The following NELL1 variants were observed in gnomAD, a reference collection of about 807,000 sequenced individuals.
NELL1 encodes the protein neural EGFL like 1.
Under a neutral mutation model 107.4 loss-of-function variants are expected in NELL1, and 76 were observed. That is an observed-to-expected ratio of 0.71 (90% CI 0.59 to 0.86). NELL1 has a LOEUF of 0.86. NELL1 is among the 40% of genes least tolerant of loss of function. The pLI is 0.00. For missense variants in NELL1, 1,024 were observed against 1,005.5 expected, an observed-to-expected ratio of 1.02 and a Z score of -0.25; for synonymous variants, 353 against 341.2, an observed-to-expected ratio of 1.03 and a Z score of -0.38.
At chr11:21,322,968 A>G (rs1380098877) in intron 14 of NELL1, among the ~76,000 whole-genome samples, 1 of 151,934 alleles carries the variant, frequency 6.6e-6, no homozygotes, top group African/African-American at 2.4e-5. Context: ...TAGAAGCACA[A>G]GCCATTGTTG....
chr11:21,361,593 G>A (rs11026047), intron 14 of NELL1, among the ~76,000 whole-genome samples: 36,538 of 151,890 alleles, frequency 0.24, 4,338 homozygotes, highest in Middle Eastern at 0.3. Flanking sequence ...CAAACTTTCA[G>A]ATTTTTCTTC....
intron 2 of NELL1, among the ~76,000 whole-genome samples, chr11:20,715,134 A>T (rs1030732202): frequency 4.0e-5 from 6 of 151,852 alleles, no homozygotes; most frequent in Admixed American, 2.0e-4. Flanking sequence ...AGTCCCAGCT[A>T]CTCGGGACCC....
At chr11:20,716,075 C>T (rs1385203070) in intron 2 of NELL1, among the ~76,000 whole-genome samples, 1 of 152,220 alleles carries the variant, frequency 6.6e-6, no homozygotes. Flanking sequence ...ATACAACTTT[C>T]TGTGAATGCA....
At chr11:21,537,728 A>G (rs1447878434) in intron 16 of NELL1, among the ~76,000 whole-genome samples, 1 of 152,156 alleles carries the variant, frequency 6.6e-6, no homozygotes, top group Admixed American at 6.5e-5. Context: ...AAGGCATTCA[A>G]TGCATGTATG....
intron 12 of NELL1, among the ~76,000 whole-genome samples, chr11:21,057,499 A>G (rs551081476): frequency 6.6e-6 from 1 of 152,148 alleles, no homozygotes; most frequent in East Asian, 1.9e-4. Flanking sequence ...AAATATATCA[A>G]TATATTTATC....
rs565924454 is a variant in NELL1 at position 21,091,897 on chromosome 11, G to A, written c.1301-21692G>A. Among the ~76,000 whole-genome samples the A allele has an allele frequency of 2.0e-5, 3 of 152,306 alleles. No individual in the cohort carries two copies. In the East Asian group the frequency reaches 5.8e-4, roughly 29 times the overall value. On this transcript the variant is annotated intron_variant, in intron 12 of 19. Transcript: ENST00000357134. ...CTCTCAGGGTAGGCCCTAAGTCAAG[G>A]ACGTGTACAAGGTACCATAGGGGGC... is the stretch of plus-strand genomic sequence containing the variant.
In NELL1 at chr11:20,988,623, C is replaced by T. The variant is rs181891411; in HGVS notation, c.1300+28063C>T. Among the ~76,000 whole-genome samples, 22 of 149,458 alleles carry T rather than the reference C, an allele frequency of 1.5e-4. No individual in the cohort carries two copies. In the East Asian group the frequency reaches 1.6e-3, roughly 11 times the overall value. ...TGTTCTTTTCTTTTTTTTTTTGAGA[C>T]GCTGTCACCCAGGCTGGAGTGCAGT... is the stretch of plus-strand genomic sequence containing the variant. On this transcript the variant is annotated intron_variant, in intron 12 of 19. Coordinates refer to ENST00000357134, the MANE Select transcript of NELL1 (RefSeq NM_006157.5).
intron 4 of NELL1, among the ~76,000 whole-genome samples, chr11:20,849,552 G>T (rs1018833101): frequency 1.3e-5 from 2 of 152,116 alleles, no homozygotes; most frequent in African/African-American, 4.8e-5. Flanking sequence ...TAGAGTCATT[G>T]CCATTTATAA....
intron 9 of NELL1, 36 bp downstream of exon 9, chr11:20,928,515 G>A (rs2134173515): frequency 1.3e-6 from 2 of 1,500,378 alleles, no homozygotes; most frequent in East Asian, 2.3e-5. Flanking sequence ...GGCTGTCTGT[G>A]TTTTGAGATT....
At chr11:21,351,720 T>C (rs1850819982) in intron 14 of NELL1, among the ~76,000 whole-genome samples, 1 of 152,066 alleles carries the variant, frequency 6.6e-6, no homozygotes, top group African/African-American at 2.4e-5. Flanking sequence ...GAGGGGACCA[T>C]AAATTTCTCT....
At chr11:21,503,867 A>T (rs1364870234) in intron 15 of NELL1, among the ~76,000 whole-genome samples, 2 of 150,644 alleles carry the variant, frequency 1.3e-5, no homozygotes, top group South Asian at 2.1e-4. Flanking sequence ...TTTTTTTTTT[A>T]AATACAGTAA....
chr11:20,832,264 C>T (rs1002922189), intron 3 of NELL1, among the ~76,000 whole-genome samples: 1 of 152,228 alleles, frequency 6.6e-6, no homozygotes, highest in African/African-American at 2.4e-5. Context: ...TCACAATGCT[C>T]ATGTTTAGCC....
intron 13 of NELL1, among the ~76,000 whole-genome samples, chr11:21,121,840 G>T (rs960493007): frequency 6.6e-6 from 1 of 152,070 alleles, no homozygotes; most frequent in Non-Finnish European, 1.5e-5. Context: ...AAAATTCATC[G>T]AAAGTTTGTT....
intron 12 of NELL1, among the ~76,000 whole-genome samples, chr11:21,083,501 C>G (rs561507869): frequency 6.6e-6 from 1 of 152,162 alleles, no homozygotes; most frequent in Non-Finnish European, 1.5e-5. Context: ...CAGAACAATT[C>G]TTGTTGGCAG....
intron 12 of NELL1, among the ~76,000 whole-genome samples, chr11:21,065,706 T>C (rs905089595): frequency 3.9e-5 from 6 of 152,202 alleles, no homozygotes; most frequent in Non-Finnish European, 8.8e-5. Flanking sequence ...AATTCACTTT[T>C]AGTTACTATA....
chr11:21,172,461 T>C (rs1856627774), intron 13 of NELL1, among the ~76,000 whole-genome samples: 1 of 151,864 alleles, frequency 6.6e-6, no homozygotes, highest in South Asian at 2.1e-4. Flanking sequence ...TCCTTCTCCG[T>C]GATCATGCAG....
At chr11:21,570,573 T>C (rs1241240915) in intron 17 of NELL1, among the ~76,000 whole-genome samples, 191 bp from the exon 18 acceptor site, 1 of 151,846 alleles carries the variant, frequency 6.6e-6, no homozygotes, top group African/African-American at 2.4e-5. Context: ...CCTATTTTTA[T>C]TTTTTCTGCT....
chr11:20,976,814 A>C (rs934048986), intron 12 of NELL1, among the ~76,000 whole-genome samples: 1 of 152,124 alleles, frequency 6.6e-6, no homozygotes, highest in African/African-American at 2.4e-5. Context: ...ATTCCTAAAA[A>C]TCTCTGTATA....
At chr11:20,678,454 G>A (rs1854115779) in intron 2 of NELL1, among the ~76,000 whole-genome samples, 1 of 152,154 alleles carries the variant, frequency 6.6e-6, no homozygotes, top group Non-Finnish European at 1.5e-5. Flanking sequence ...TAAGAACAGA[G>A]GAAAACTTAT....
Sources: gnomAD v4.1 joint callset for allele counts (sites outside exome capture counted in the v4.1 genomes callset) on GRCh38, gnomAD v4.1.1 for gene constraint, MANE v1.5 for transcripts, NCBI Gene and HGNC (gene_info 2026-07-23, HGNC 2026-07-21) for gene names.